The following NHEJ1 variants were observed in gnomAD, a reference collection of about 807,000 sequenced individuals.
NHEJ1 encodes non-homologous end joining factor 1, also known as non-homologous end-joining factor 1.
NHEJ1 carries 22 observed loss-of-function variants against 39.4 expected under a neutral mutation model. The ratio of observed to expected loss-of-function variants is 0.56; its 90% CI spans 0.40 to 0.80. The LOEUF (loss-of-function observed/expected upper bound fraction) is 0.80. NHEJ1 is among the 30% of genes least tolerant of loss of function. NHEJ1 has a pLI of 0.00. For missense variants in NHEJ1, 329 were observed against 357.1 expected, an observed-to-expected ratio of 0.92 and a Z score of 0.63; for synonymous variants, 154 against 135.6, an observed-to-expected ratio of 1.14 and a Z score of -0.94.
At chr2:219,081,411 C>CG (rs1949066409) in intron 5 of NHEJ1, among the ~76,000 whole-genome samples, 2 of 152,160 alleles carry the variant, frequency 1.3e-5, no homozygotes, top group Admixed American at 1.3e-4. Context: ...CACGATGTAC[C>CG]GGCCACAATG....
At chr2:219,148,320 G>A (rs1463030920) in intron 3 of NHEJ1, among the ~76,000 whole-genome samples, 3 of 152,088 alleles carry the variant, frequency 2.0e-5, no homozygotes, top group Non-Finnish European at 4.4e-5. Context: ...CTGGGAGGCC[G>A]AGGTAGGAAC....
intron 1 of NHEJ1, among the ~76,000 whole-genome samples, chr2:219,160,166 G>GCC (rs1949917421): frequency 6.6e-6 from 1 of 152,190 alleles, no homozygotes; most frequent in Admixed American, 6.5e-5. Context: ...CATCCCGGCG[G>GCC]AGGGGTCCCT....
chr2:219,139,289 T>C (rs1312562266), intron 5 of NHEJ1, among the ~76,000 whole-genome samples: 1 of 152,150 alleles, frequency 6.6e-6, no homozygotes, highest in Non-Finnish European at 1.5e-5. Context: ...AGTTTCACCA[T>C]GTTGGCCAGG....
chr2:219,097,277 A>G (rs1438556732), intron 5 of NHEJ1, among the ~76,000 whole-genome samples: 2 of 152,220 alleles, frequency 1.3e-5, no homozygotes, highest in African/African-American at 4.8e-5. Flanking sequence ...GTATAGGAGA[A>G]CAAGGATGGA....
Position 219,070,326 on chromosome 2 carries a change from G to A in NHEJ1, c.*6055C>T, listed in dbSNP as rs1024855348. On this transcript the variant is annotated 3_prime_UTR_variant, in exon 8 of 8. Coordinates refer to ENST00000356853, the MANE Select transcript of NHEJ1 (RefSeq NM_024782.3). ...CTCAGCCTCCTGAGTAGACTAGCTG[G>A]GATTACAGGTGTGCGCCACCACATC... Among the ~76,000 whole-genome samples the A allele has an allele frequency of 6.6e-6, 1 of 152,128 alleles. No homozygotes were observed. The highest frequency in any genetic ancestry group is 1.5e-5 in the Non-Finnish European group (1 of 68,010).
intron 5 of NHEJ1, among the ~76,000 whole-genome samples, chr2:219,115,751 C>T (rs114530730): frequency 1.4e-3 from 214 of 152,306 alleles, no homozygotes; most frequent in African/African-American, 4.8e-3. Context: ...GGGCTGTCTC[C>T]GCATTTTACC....
In NHEJ1 at chr2:219,070,646, C is replaced by A. The variant is rs2106315238; in HGVS notation, c.*5735G>T. Reference sequence around the variant, plus strand: ...GCCATGGAGCCCAGTCTTAAATTTCCCCTTTAGCACAATCCAGACACTCAA... The same window carrying A: ...GCCATGGAGCCCAGTCTTAAATTTCACCTTTAGCACAATCCAGACACTCAA... On this transcript the variant is annotated 3_prime_UTR_variant, in exon 8 of 8. Transcript: ENST00000356853. Among the ~76,000 whole-genome samples the A allele has an allele frequency of 6.6e-6, 1 of 152,304 alleles. No individual in the cohort carries two copies. The highest frequency in any genetic ancestry group is 1.5e-5 in the Non-Finnish European group (1 of 68,014).
intron 3 of NHEJ1, among the ~76,000 whole-genome samples, chr2:219,149,244 A>T (rs1019482919): frequency 4.6e-5 from 7 of 152,176 alleles, no homozygotes. Context: ...CTGCCGTACA[A>T]ATAGGGTGAT....
chr2:219,150,510 G>A (rs1949784600), intron 3 of NHEJ1, among the ~76,000 whole-genome samples: 1 of 152,190 alleles, frequency 6.6e-6, no homozygotes, highest in Non-Finnish European at 1.5e-5. Context: ...TCTTTCCTAG[G>A]AATTGTTTTG....
intron 5 of NHEJ1, among the ~76,000 whole-genome samples, chr2:219,127,349 C>G (rs759725932): frequency 1.3e-5 from 2 of 152,170 alleles, no homozygotes; most frequent in Non-Finnish European, 1.5e-5. Flanking sequence ...AGTCTTCCCT[C>G]TCAGTCAGTC....
chr2:219,073,935 G>C lies in NHEJ1; in HGVS notation c.*2446C>G, dbSNP rs577831345. 6.6e-6 allele frequency among the ~76,000 whole-genome samples: 1 copy of C among 152,368 alleles called. No individual in the cohort carries two copies. The highest frequency in any genetic ancestry group is 2.1e-4 in the South Asian group (1 of 4,826). ...GGGCCTCAGGGAGGGGCCCAAGCCA[G>C]GGGGCAGGGCTGGAATACAGCCTGG... is the stretch of plus-strand genomic sequence containing the variant. On this transcript the variant is annotated 3_prime_UTR_variant, in exon 8 of 8. Transcript: ENST00000356853.
Position 219,071,491 on chromosome 2 carries a change from G to A in NHEJ1, c.*4890C>T, listed in dbSNP as rs1476982743. ...CTGATTAACCATGTTAGACAACAAT[G>A]CCGAGCTGGGATGGGCTTCCCCTTC... is the stretch of plus-strand genomic sequence containing the variant. On this transcript the variant is annotated 3_prime_UTR_variant, in exon 8 of 8. Transcript: ENST00000356853. 6.6e-6 allele frequency among the ~76,000 whole-genome samples: 1 copy of A among 152,154 alleles called. No individual in the cohort carries two copies. Among genetic ancestry groups the A allele is most frequent in the Non-Finnish European group, 1.5e-5 (1 of 68,032 alleles).
In NHEJ1 at chr2:219,076,242, A is replaced by G; in HGVS notation, c.*139T>C. 6.5e-7 allele frequency: 1 copy of G among 1,547,622 alleles called. No homozygotes were observed. Among genetic ancestry groups the G allele is most frequent in the Non-Finnish European group, 8.7e-7 (1 of 1,145,774 alleles). On this transcript the variant is annotated 3_prime_UTR_variant, in exon 8 of 8. Transcript: ENST00000356853. ...ATTCCCTGTGGGCCTGTCAACATCAACTTCAGTTCTCTCGCCCTTACAGGA... is the reference window on the plus strand; with the variant it reads ...ATTCCCTGTGGGCCTGTCAACATCAGCTTCAGTTCTCTCGCCCTTACAGGA...
chr2:219,132,217 GT>G (rs1949585472), intron 5 of NHEJ1, among the ~76,000 whole-genome samples: 1 of 152,178 alleles, frequency 6.6e-6, no homozygotes, highest in Admixed American at 6.5e-5. Flanking sequence ...TTTATAAACT[GT>G]TGGATAGATT....
At position 219,157,542 on chromosome 2, in the gene NHEJ1, C is replaced by A; in HGVS notation, c.320G>T (p.Arg107Leu). The change falls in exon 3 of 8, where the codon CGG (arginine) becomes CTG (leucine). Residue 107 changes from arginine to leucine, a missense_variant. By Grantham distance (102) the Arg-to-Leu change is moderately radical. Coordinates refer to ENST00000356853, the MANE Select transcript of NHEJ1 (RefSeq NM_024782.3). ...CDCVADALIL[R>L]VRSELSGLPF... ...GAGGCCAGAGAGCTCACTTCGCACC[C>A]GTAGAATCAGTGCATCTGCCACACA... The A allele has an allele frequency of 6.2e-7, 1 of 1,614,140 alleles. No individual in the cohort carries two copies.
In NHEJ1 at chr2:219,093,806, G is replaced by A. The variant is rs12622338; in HGVS notation, c.589-15600C>T. On this transcript the variant is annotated intron_variant, in intron 5 of 7. Coordinates refer to ENST00000356853, the MANE Select transcript of NHEJ1 (RefSeq NM_024782.3). ...TAAAAATATTTTAAAAAGACACAGT[G>A]AAACCAAATCAAACCAAACACACAA... Among the ~76,000 whole-genome samples, 72 of 152,304 alleles carry A rather than the reference G, an allele frequency of 4.7e-4. No individual in the cohort carries two copies. The East Asian group carries it at 9.6e-3, about 20-fold the overall frequency.
intron 3 of NHEJ1, among the ~76,000 whole-genome samples, chr2:219,153,757 T>C (rs1031670514): frequency 6.6e-6 from 1 of 151,050 alleles, no homozygotes; most frequent in East Asian, 1.9e-4. Flanking sequence ...ACCCAATATA[T>C]TCCATAATAC....
At chr2:219,157,709 G>A (rs897913111) in intron 2 of NHEJ1, 25 bp from the exon 3 acceptor site, 6 of 1,594,384 alleles carry the variant, frequency 3.8e-6, no homozygotes, top group Non-Finnish European at 5.1e-6. Context: ...GTGGTACAGA[G>A]TAAGGGTGCT....
intron 3 of NHEJ1, among the ~76,000 whole-genome samples, chr2:219,150,519 TGTTAAATTTG>T (rs1444590498): frequency 1.3e-5 from 2 of 152,224 alleles, no homozygotes; most frequent in African/African-American, 4.8e-5. Flanking sequence ...GGAATTGTTT[TGTTAAATTTG>T]GTCCTGCTGG....
Sources: allele counts gnomAD v4.1 joint callset (sites outside exome capture counted in the v4.1 genomes callset), GRCh38; gene constraint gnomAD v4.1.1; transcripts MANE v1.5; gene names NCBI Gene and HGNC (gene_info 2026-07-23, HGNC 2026-07-21).